Variants in ZSCAN25 observed in about 807,000 individuals in gnomAD.
The protein encoded by ZSCAN25 is zinc finger and SCAN domain-containing protein 25.
A neutral mutation model predicts 38.7 loss-of-function variants in ZSCAN25; 27 were observed. The observed-to-expected ratio is 0.70, with a 90% confidence interval of 0.51 to 0.96. The LOEUF (loss-of-function observed/expected upper bound fraction) is 0.96, where lower values mean the gene tolerates loss of function less well. ZSCAN25 is among the 40% of genes least tolerant of loss of function. ZSCAN25 has a pLI of 0.00. For missense variants in ZSCAN25, 637 were observed against 705.9 expected (o/e 0.90, Z 1.11); for synonymous variants, 273 against 277.7 (o/e 0.98, Z 0.17).
At chr7:99,679,906 CCTT>C in the ZSCAN25 span, 33 of 1,613,136 alleles carry the variant, frequency 2.0e-5, no homozygotes, top group African/African-American at 4.3e-4. Flanking sequence ...TCGCCACTTT[CCTT>C]CTTCAACTGT....
intron 3 of ZSCAN25, 72 bp from the exon 4 acceptor site, chr7:99,619,489 A>G: frequency 8.4e-7 from 1 of 1,191,524 alleles, no homozygotes; most frequent in Non-Finnish European, 1.2e-6. Flanking sequence ...TGTGTTCTCC[A>G]GTGGAATATT....
At position 99,620,010 on chromosome 7, in the gene ZSCAN25, T is replaced by A. The variant is rs777761373; in HGVS notation, c.387+17T>A. On this transcript the variant is annotated intron_variant, in intron 4 of 7. Coordinates refer to ENST00000394152, the MANE Select transcript of ZSCAN25 (RefSeq NM_145115.3). ...GCCAAGGCGGTGGGTGAGGAGGGGA[T>A]CCAGGTCTGGCGCCCTTGGCGTGGG... The A allele has an allele frequency of 1.2e-6, 2 of 1,602,396 alleles. No individual in the cohort carries two copies. The highest frequency in any genetic ancestry group is 1.7e-6 in the Non-Finnish European group (2 of 1,175,762).
chr7:99,708,635 C>G, the ZSCAN25 span, among the ~76,000 whole-genome samples: 1 of 152,090 alleles, frequency 6.6e-6, no homozygotes, highest in African/African-American at 2.4e-5. Flanking sequence ...GTTGCACTAA[C>G]CTATAAATTC....
chr7:99,632,426 CCTTCCTCCCCGT>C, downstream of ZSCAN25: 1 of 296,344 alleles, frequency 3.4e-6, no homozygotes, highest in Non-Finnish European at 5.0e-6. Flanking sequence ...TCTGTCCACT[CCTTCCTCCCCGT>C]CTTCCTCCCC....
chr7:99,703,309 A>G, the ZSCAN25 span, among the ~76,000 whole-genome samples: 1 of 152,232 alleles, frequency 6.6e-6, no homozygotes. Flanking sequence ...AACCTTCTTA[A>G]CCCTGGCCCT....
At chr7:99,715,519 G>A in the ZSCAN25 span, 1 of 577,308 alleles carries the variant, frequency 1.7e-6, no homozygotes, top group Non-Finnish European at 2.9e-6. Flanking sequence ...AAGTTGACTA[G>A]TGGTTATATA....
intron 3 of ZSCAN25, 147 bp downstream of exon 3, chr7:99,619,279 A>G (rs1355537973): frequency 8.1e-6 from 2 of 248,320 alleles, no homozygotes; most frequent in Non-Finnish European, 1.6e-5. Flanking sequence ...GTTATAACCC[A>G]TTATATATTA....
the ZSCAN25 span, chr7:99,710,862 G>C: frequency 6.2e-7 from 1 of 1,613,660 alleles, no homozygotes; most frequent in African/African-American, 1.3e-5. Context: ...AAAGATAATT[G>C]ATTGGGCCAT....
chr7:99,724,285 C>A, the ZSCAN25 span, among the ~76,000 whole-genome samples: 1 of 152,216 alleles, frequency 6.6e-6, no homozygotes, highest in East Asian at 1.9e-4. Flanking sequence ...GGCCTCAATA[C>A]AAACTGGACA....
At chr7:99,721,164 T>C in the ZSCAN25 span, among the ~76,000 whole-genome samples, 2 of 152,294 alleles carry the variant, frequency 1.3e-5, no homozygotes, top group East Asian at 3.9e-4. Context: ...GGGAACACAA[T>C]GGTTTAAGAA....
chr7:99,620,462 A>T (rs1806856436), intron 4 of ZSCAN25: 1 of 158,932 alleles, frequency 6.3e-6, no homozygotes, highest in African/African-American at 2.4e-5. Flanking sequence ...ACACCAAGTG[A>T]TTTGGCACCG....
rs771714352 is a variant in ZSCAN25, at chr7:99,624,045, C to G, written c.682-12C>G. ...TTCTTTCTTTATTCATAGCAATCTC[C>G]TATTGTTGCAGGGGTTGGGGCCATT... On this transcript the variant is annotated splice_polypyrimidine_tract_variant and intron_variant, in intron 6 of 7. Coordinates refer to ENST00000394152, the MANE Select transcript of ZSCAN25 (RefSeq NM_145115.3). The G allele has an allele frequency of 6.2e-7, 1 of 1,614,036 alleles. No homozygotes were observed. The highest frequency in any genetic ancestry group is 1.1e-5 in the South Asian group (1 of 91,084).
the ZSCAN25 span, among the ~76,000 whole-genome samples, chr7:99,656,989 T>C: frequency 1.3e-5 from 2 of 152,320 alleles, no homozygotes; most frequent in Admixed American, 6.5e-5. Context: ...TTATTAGTCT[T>C]GCTAGCATTC....
intron 3 of ZSCAN25, 148 bp from the exon 4 acceptor site, chr7:99,619,413 T>C: frequency 1.6e-6 from 1 of 628,602 alleles, no homozygotes; most frequent in South Asian, 2.2e-5. Flanking sequence ...GATTACTATG[T>C]TGAATTGACC....
chr7:99,623,091 C>T (rs1303957075), intron 6 of ZSCAN25, among the ~76,000 whole-genome samples: 1 of 152,212 alleles, frequency 6.6e-6, no homozygotes, highest in Non-Finnish European at 1.5e-5. Context: ...CAGGCATGAG[C>T]CACCGCGCCC....
At chr7:99,667,518 A>AT in the ZSCAN25 span, among the ~76,000 whole-genome samples, 20 of 151,842 alleles carry the variant, frequency 1.3e-4, no homozygotes, top group African/African-American at 4.3e-4. Context: ...TGATGTGGTG[A>AT]TTTTTTTTTG....
At chr7:99,628,166 G>A (rs867815415) in intron 7 of ZSCAN25, among the ~76,000 whole-genome samples, 1 of 152,102 alleles carries the variant, frequency 6.6e-6, no homozygotes, top group Non-Finnish European at 1.5e-5. Context: ...ATCTTTGCGT[G>A]TACAAAACAT....
the ZSCAN25 span, chr7:99,735,260 A>T: frequency 2.2e-6 from 2 of 911,896 alleles, no homozygotes; most frequent in African/African-American, 3.3e-5. Flanking sequence ...AGCTGCAGCC[A>T]GTAGCAGGGC....
At chr7:99,663,868 GTCTT>G in the ZSCAN25 span, 6 of 1,448,458 alleles carry the variant, frequency 4.1e-6, no homozygotes, top group Non-Finnish European at 3.6e-6. Flanking sequence ...TAAGTTCTCT[GTCTT>G]TATTTTTAAA....
Sources: gnomAD v4.1 joint callset for allele counts (sites outside exome capture counted in the v4.1 genomes callset) on GRCh38, gnomAD v4.1.1 for gene constraint, MANE v1.5 for transcripts, NCBI Gene and HGNC (gene_info 2026-07-23, HGNC 2026-07-21) for gene names.